Variants in FOXN3 observed in about 807,000 individuals in gnomAD.
FOXN3 encodes forkhead box N3, also known as forkhead box protein N3.
Under a neutral mutation model 38.4 loss-of-function variants are expected in FOXN3, and 7 were observed. The observed-to-expected ratio is 0.18, with a 90% CI of 0.10 to 0.34. The LOEUF is 0.34. FOXN3 is among the 10% of genes least tolerant of loss of function. The pLI, the probability that FOXN3 is intolerant of heterozygous loss-of-function variation, is 1.00. For missense variants in FOXN3, 456 were observed against 613.4 expected (o/e 0.74, Z 2.71); for synonymous variants, 230 against 242.2 (o/e 0.95, Z 0.47).
intron 4 of FOXN3, among the ~76,000 whole-genome samples, chr14:89,232,125 T>G (rs1218519861): frequency 6.6e-6 from 1 of 152,168 alleles, no homozygotes; most frequent in African/African-American, 2.4e-5. Context: ...TAGAACTCAC[T>G]GATTTATTGG....
At chr14:89,475,480 A>T (rs1893192223) in intron 1 of FOXN3, among the ~76,000 whole-genome samples, 1 of 151,948 alleles carries the variant, frequency 6.6e-6, no homozygotes, top group Non-Finnish European at 1.5e-5. Flanking sequence ...ACCTAGGGAG[A>T]CGCCATCTCT....
At chr14:89,393,100 C>T (rs892625350) in intron 2 of FOXN3, among the ~76,000 whole-genome samples, 11 of 151,974 alleles carry the variant, frequency 7.2e-5, no homozygotes, top group Middle Eastern at 3.4e-3. Context: ...CCACCGTGCC[C>T]GGCTTAATTT....
chr14:89,542,500 A>C (rs1321469253), intron 1 of FOXN3, among the ~76,000 whole-genome samples: 1 of 152,222 alleles, frequency 6.6e-6, no homozygotes, highest in Non-Finnish European at 1.5e-5. Context: ...GTTCAGCATG[A>C]TCAGAACAAA....
At chr14:89,557,999 C>G (rs1404099809) in intron 1 of FOXN3, among the ~76,000 whole-genome samples, 1 of 152,138 alleles carries the variant, frequency 6.6e-6, no homozygotes, top group Non-Finnish European at 1.5e-5. Flanking sequence ...GGGCAAGATT[C>G]TGTCTCAAAA....
Position 89,453,522 on chromosome 14 carries a change from T to C in FOXN3, c.-14-41032A>G, listed in dbSNP as rs1412871656. On this transcript the variant is annotated intron_variant, in intron 1 of 6. Transcript: ENST00000345097. ...TTGCAATGAGCCGAGATCACGCCAT[T>C]GCACTCCAGCCTGGGCGACACAGCA... Among the ~76,000 whole-genome samples, 5 of 128,228 alleles carry C rather than the reference T, an allele frequency of 3.9e-5. No individual in the cohort carries two copies. The East Asian group carries it at 6.7e-4, about 17-fold the overall frequency. 84.1% of individuals were successfully genotyped at this position (128,228 alleles called of 152,430 possible).
chr14:89,279,702 G>A (rs893902456), intron 4 of FOXN3, among the ~76,000 whole-genome samples: 4 of 152,018 alleles, frequency 2.6e-5, no homozygotes, highest in African/African-American at 7.3e-5. Flanking sequence ...GGATATCTAC[G>A]ATGATTATTA....
At chr14:89,355,954 G>A (rs904955281) in intron 2 of FOXN3, among the ~76,000 whole-genome samples, 8 of 152,076 alleles carry the variant, frequency 5.3e-5, no homozygotes, top group African/African-American at 1.9e-4. Flanking sequence ...AAGTGGAGCA[G>A]GCACCACCTC....
At chr14:89,519,190 C>A (rs189609376) in intron 1 of FOXN3, among the ~76,000 whole-genome samples, 3 of 152,106 alleles carry the variant, frequency 2.0e-5, no homozygotes, top group African/African-American at 7.2e-5. Context: ...CAGATGCCTG[C>A]GGTAGCACAG....
At chr14:89,181,927 G>A (rs1196152927) in intron 4 of FOXN3, among the ~76,000 whole-genome samples, 1 of 152,148 alleles carries the variant, frequency 6.6e-6, no homozygotes, top group Non-Finnish European at 1.5e-5. Context: ...GTGGATCTCT[G>A]TTTCCCTCTC....
intron 1 of FOXN3, among the ~76,000 whole-genome samples, chr14:89,610,220 A>G (rs1002196629): frequency 6.6e-6 from 1 of 152,234 alleles, no homozygotes; most frequent in African/African-American, 2.4e-5. Flanking sequence ...TTACCATCTC[A>G]GGGCATGCCA....
intron 1 of FOXN3, among the ~76,000 whole-genome samples, chr14:89,524,238 G>A (rs1392214026): frequency 6.8e-6 from 1 of 147,494 alleles, no homozygotes; most frequent in East Asian, 2.0e-4. Context: ...GCCAAGCGAG[G>A]TGGTGGGCGC....
chr14:89,282,597 A>G (rs542285553), intron 3 of FOXN3, among the ~76,000 whole-genome samples: 2 of 152,354 alleles, frequency 1.3e-5, no homozygotes, highest in South Asian at 4.1e-4. Flanking sequence ...TAATTTTTAT[A>G]ACAAAGCAGG....
intron 4 of FOXN3, among the ~76,000 whole-genome samples, chr14:89,195,219 C>A (rs8010076): frequency 0.011 from 1,628 of 152,284 alleles, 29 homozygotes; most frequent in African/African-American, 0.037. Flanking sequence ...ACCCCAAACA[C>A]CCCTCCCTTT....
Position 89,159,930 on chromosome 14 carries a change from G to GT in FOXN3, c.*2483dup, listed in dbSNP as rs1197929062. The GT allele has an allele frequency of 3.9e-5, 6 of 152,194 alleles. No homozygotes were observed. The highest frequency in any genetic ancestry group is 2.9e-5 in the Non-Finnish European group (2 of 68,042). The allele number at this position is 152,194 out of a possible 1,614,324, so 9.4% of individuals were successfully genotyped here. A position where few individuals can be genotyped will look rare whatever the true frequency, so the allele number is the denominator to read the frequency against. ...AATTCGACCTGCTGTAGAGGTGTAG[G>GT]TTTTTTCAGGTTCTCTCATCAGCAA... is the stretch of plus-strand genomic sequence containing the variant. On this transcript the variant is annotated 3_prime_UTR_variant, in exon 6 of 6. Coordinates refer to ENST00000557258, the MANE Select transcript of FOXN3 (RefSeq NM_005197.4).
intron 1 of FOXN3, among the ~76,000 whole-genome samples, chr14:89,541,686 A>G (rs1413875239): frequency 1.3e-5 from 2 of 151,886 alleles, no homozygotes; most frequent in African/African-American, 2.4e-5. Context: ...GCTTTACTCT[A>G]TGGACTTGCT....
intron 2 of FOXN3, chr14:89,356,506 T>C (rs376551339): frequency 6.6e-6 from 1 of 152,162 alleles, no homozygotes; most frequent in African/African-American, 2.4e-5. Context: ...TTCAGAAATA[T>C]TTAAGACAAT....
intron 2 of FOXN3, among the ~76,000 whole-genome samples, chr14:89,394,898 G>A (rs1891062349): frequency 6.6e-6 from 1 of 152,218 alleles, no homozygotes; most frequent in Non-Finnish European, 1.5e-5. Context: ...CCAACTAAGG[G>A]ATCTCCTAGA....
At chr14:89,292,583 G>C (rs1219587138) in intron 3 of FOXN3, among the ~76,000 whole-genome samples, 1 of 152,146 alleles carries the variant, frequency 6.6e-6, no homozygotes, top group African/African-American at 2.4e-5. Flanking sequence ...TTAAAGGAGG[G>C]AGCCACCCCC....
At position 89,608,776 on chromosome 14, in the gene FOXN3, G is replaced by A. The variant is rs566629827; in HGVS notation, c.-15+10252C>T. Among the ~76,000 whole-genome samples, 3 of 152,308 alleles carry A rather than the reference G, an allele frequency of 2.0e-5. No individual in the cohort carries two copies. In the South Asian group the frequency reaches 6.2e-4, roughly 32 times the overall value. On this transcript the variant is annotated intron_variant, in intron 1 of 6. Transcript: ENST00000345097. The stretch of plus-strand genomic sequence containing the variant: ...GGATGGGGTAGGCGAGACAACCTGA[G>A]GGAATAGCATTGTTTTCCTATGGAA...
Sources: allele counts gnomAD v4.1 joint callset (sites outside exome capture counted in the v4.1 genomes callset), GRCh38; gene constraint gnomAD v4.1.1; transcripts MANE v1.5; gene names NCBI Gene and HGNC (gene_info 2026-07-23, HGNC 2026-07-21).